SHISAL1: variants seen among roughly 807,000 people sequenced by gnomAD.
SHISAL1 encodes shisa like 1.
SHISAL1 carries 9 observed loss-of-function variants against 22.6 expected under a neutral mutation model. The observed-to-expected ratio is 0.40, with a 90% CI of 0.24 to 0.70. The LOEUF (loss-of-function observed/expected upper bound fraction) is 0.70. Ranked by LOEUF, SHISAL1 falls within the 30% of genes least tolerant of loss-of-function variation. The pLI, the probability that SHISAL1 is intolerant of heterozygous loss-of-function variation, is 0.39. For synonymous variants in SHISAL1, 119 were observed against 115.4 expected, an observed-to-expected ratio of 1.03 and a Z score of -0.20; for missense variants, 246 against 270.6, an observed-to-expected ratio of 0.91 and a Z score of 0.64.
chr22:44,301,572 A>C (rs1162729248), intron 1 of SHISAL1, among the ~76,000 whole-genome samples: 1 of 152,202 alleles, frequency 6.6e-6, no homozygotes, highest in Non-Finnish European at 1.5e-5. Context: ...CAAGGCGCAG[A>C]AAACAGGGAC....
At chr22:44,309,782 C>A (rs1218203503) in intron 1 of SHISAL1, among the ~76,000 whole-genome samples, 1 of 152,198 alleles carries the variant, frequency 6.6e-6, no homozygotes, top group Non-Finnish European at 1.5e-5. Flanking sequence ...CAGTGCAGAC[C>A]TAATCCTGAG....
chr22:44,315,749 G>C (rs2055554065), upstream of SHISAL1, among the ~76,000 whole-genome samples: 1 of 152,162 alleles, frequency 6.6e-6, no homozygotes, highest in Non-Finnish European at 1.5e-5. Flanking sequence ...TGTGGATGGT[G>C]CCATGCCTCC....
chr22:44,296,961 G>T, intron 2 of SHISAL1, 76 bp from the exon 3 acceptor site: 1 of 1,185,730 alleles, frequency 8.4e-7, no homozygotes, highest in Non-Finnish European at 1.2e-6. Context: ...GGACTGGCCG[G>T]CCTCTTCTCA....
Position 44,309,759 on chromosome 22 carries a change from G to A in SHISAL1, c.-33+2992C>T, listed in dbSNP as rs75431871. On this transcript the variant is annotated intron_variant, in intron 1 of 4. Coordinates refer to ENST00000381176, the MANE Select transcript of SHISAL1 (RefSeq NM_001099294.2). The stretch of plus-strand genomic sequence containing the variant: ...CCTCCACAAGTTTCCCAGTCTCCAG[G>A]GCCTTTCCTCGGCAGTGCAGACCTA... 9.2e-3 allele frequency among the ~76,000 whole-genome samples: 1,398 copies of A among 152,224 alleles called. 21 individuals carry two copies. Among genetic ancestry groups the A allele is most frequent in the African/African-American group, 0.033 (1,365 of 41,524 alleles).
At chr22:44,251,780 G>C (rs1214566939) in intron 4 of SHISAL1, among the ~76,000 whole-genome samples, 2 of 152,154 alleles carry the variant, frequency 1.3e-5, no homozygotes, top group Non-Finnish European at 2.9e-5. Context: ...CCTCCCACCA[G>C]GTTCCTCCCA....
At chr22:44,318,668 A>T in the SHISAL1 span, among the ~76,000 whole-genome samples, 1 of 152,278 alleles carries the variant, frequency 6.6e-6, no homozygotes, top group African/African-American at 2.4e-5. Flanking sequence ...AGCCCACGCT[A>T]GGTGGTTAGG....
At chr22:44,292,168 C>T (rs2055357279) in intron 3 of SHISAL1, among the ~76,000 whole-genome samples, 1 of 152,222 alleles carries the variant, frequency 6.6e-6, no homozygotes, top group Non-Finnish European at 1.5e-5. Flanking sequence ...GGCTGTTTCA[C>T]CAGCAGGGAG....
At chr22:44,251,578 A>G in intron 4 of SHISAL1, among the ~76,000 whole-genome samples, 1 of 152,174 alleles carries the variant, frequency 6.6e-6, no homozygotes, top group East Asian at 1.9e-4. Flanking sequence ...TTACAGTTCC[A>G]CATGTCTGGG....
rs530081860 is a variant in SHISAL1 at position 44,311,596 on chromosome 22, G to A, written c.-33+1155C>T. Among the ~76,000 whole-genome samples, 10 of 152,354 alleles carry A rather than the reference G, an allele frequency of 6.6e-5. No individual in the cohort carries two copies. The South Asian group carries it at 8.3e-4, about 13-fold the overall frequency. On this transcript the variant is annotated intron_variant, in intron 1 of 4. Coordinates refer to ENST00000381176, the MANE Select transcript of SHISAL1 (RefSeq NM_001099294.2). The stretch of plus-strand genomic sequence containing the variant: ...TGTGCTACTGTCTCGAATGTTGGAA[G>A]TAGGCACCACTGTGATCCCATTTTA...
Position 44,259,069 on chromosome 22 carries a change from G to A in SHISAL1, c.*-9384C>T, listed in dbSNP as rs577119656. On this transcript the variant is annotated intron_variant, in intron 4 of 4. Coordinates refer to ENST00000381176, the MANE Select transcript of SHISAL1 (RefSeq NM_001099294.2). Reference sequence around the variant, plus strand: ...AACCTGAGAACATCACACAAGGCTCGTGAAAAAGGGAAGTGCATCCTCACC... The same window carrying A: ...AACCTGAGAACATCACACAAGGCTCATGAAAAAGGGAAGTGCATCCTCACC... Among the ~76,000 whole-genome samples, 20 of 152,244 alleles carry A rather than the reference G, an allele frequency of 1.3e-4. No individual in the cohort carries two copies. The East Asian group carries it at 3.1e-3, about 24-fold the overall frequency.
In SHISAL1 at chr22:44,249,680, C is replaced by A. The variant is rs748320120; in HGVS notation, c.*5G>T. The A allele has an allele frequency of 5.1e-6, 4 of 779,348 alleles. No individual in the cohort carries two copies. The highest frequency in any genetic ancestry group is 3.4e-5 in the Admixed American group (2 of 59,016). 48.3% of individuals were successfully genotyped at this position (779,348 alleles called of 1,614,324 possible). ...CCCCCATCCTGAGGCACAGCAAAAG[C>A]GTTTTCTGGAGGAAATACAAGGAAA... On this transcript the variant is annotated 3_prime_UTR_variant, in exon 5 of 5. Transcript: ENST00000381176.
At chr22:44,309,251 TG>T (rs1178543844) in intron 1 of SHISAL1, among the ~76,000 whole-genome samples, 15 of 152,154 alleles carry the variant, frequency 9.9e-5, no homozygotes, top group Non-Finnish European at 2.1e-4. Flanking sequence ...GCTTACAGCC[TG>T]GGGGGAGGCG....
At chr22:44,297,714 G>T (rs1489554015) in intron 2 of SHISAL1, among the ~76,000 whole-genome samples, 1 of 152,248 alleles carries the variant, frequency 6.6e-6, no homozygotes, top group Admixed American at 6.5e-5. Flanking sequence ...AGGACTGAAA[G>T]TCTGAACAAA....
intron 4 of SHISAL1, among the ~76,000 whole-genome samples, chr22:44,250,709 A>G (rs2055041360): frequency 6.6e-6 from 1 of 152,232 alleles, no homozygotes; most frequent in South Asian, 2.1e-4. Flanking sequence ...TGAGAATGAA[A>G]GACGCTCACT....
intron 2 of SHISAL1, among the ~76,000 whole-genome samples, chr22:44,299,050 G>T (rs2055407729): frequency 1.3e-5 from 2 of 152,216 alleles, no homozygotes; most frequent in South Asian, 4.1e-4. Context: ...GGCGGGCTGG[G>T]GGCTCCCAGG....
At position 44,244,628 on chromosome 22, in the gene SHISAL1, G is replaced by GT. The variant is rs1569202331; in HGVS notation, c.*5056dup. The GT allele has an allele frequency of 1.3e-5, 2 of 152,194 alleles. No individual in the cohort carries two copies. The highest frequency in any genetic ancestry group is 4.8e-5 in the African/African-American group (2 of 41,432). 9.4% of individuals were successfully genotyped at this position (152,194 alleles called of 1,614,324 possible). A position where few individuals can be genotyped will look rare whatever the true frequency, so the allele number is the denominator to read the frequency against. ...AAGGTCACTTTCACGGGTGGGACAG[G>GT]TAAGTGTTCTGAATTCATTTTGTGA... On this transcript the variant is annotated 3_prime_UTR_variant, in exon 5 of 5. Transcript: ENST00000381176.
chr22:44,305,027 G>A (rs2055460352), intron 1 of SHISAL1, among the ~76,000 whole-genome samples: 1 of 152,100 alleles, frequency 6.6e-6, no homozygotes, highest in Non-Finnish European at 1.5e-5. Context: ...CGGGGCTGAT[G>A]TTCACCCCTG....
upstream of SHISAL1, among the ~76,000 whole-genome samples, chr22:44,314,095 G>A (rs1040224686): frequency 3.3e-5 from 5 of 151,544 alleles, no homozygotes; most frequent in African/African-American, 7.3e-5. Flanking sequence ...TTACAGATGC[G>A]GAAACTGAGG....
chr22:44,260,256 C>T (rs1354912913), intron 4 of SHISAL1, among the ~76,000 whole-genome samples: 2 of 152,220 alleles, frequency 1.3e-5, no homozygotes. Context: ...AATAAAGTCA[C>T]TTTCTTTCTA....
Sources: gnomAD v4.1 joint callset for allele counts (sites outside exome capture counted in the v4.1 genomes callset) on GRCh38, gnomAD v4.1.1 for gene constraint, MANE v1.5 for transcripts, NCBI Gene and HGNC (gene_info 2026-07-23, HGNC 2026-07-21) for gene names.